The following ZMYND11 variants were observed in gnomAD, a reference collection of about 807,000 sequenced individuals.
ZMYND11 encodes the protein zinc finger MYND-type containing 11.
ZMYND11 carries 9 observed loss-of-function variants against 84.9 expected under a neutral mutation model. The ratio of observed to expected loss-of-function variants is 0.11; its 90% CI spans 0.06 to 0.18. The LOEUF is 0.18. ZMYND11 is among the 10% of genes least tolerant of loss of function. ZMYND11 has a pLI of 1.00. For synonymous variants in ZMYND11, 250 were observed against 244.1 expected (o/e 1.02, Z -0.23); for missense variants, 409 against 761.0 (o/e 0.54, Z 5.44).
chr10:157,268 C>T (rs782077973), intron 1 of ZMYND11, among the ~76,000 whole-genome samples: 15 of 152,082 alleles, frequency 9.9e-5, no homozygotes, highest in African/African-American at 1.9e-4. Context: ...GGTGCAATCT[C>T]GGCTCACTGC....
intron 4 of ZMYND11, among the ~76,000 whole-genome samples, chr10:235,781 G>A (rs754838622): frequency 6.6e-6 from 1 of 152,224 alleles, no homozygotes; most frequent in Non-Finnish European, 1.5e-5. Flanking sequence ...TCAGGAAGGT[G>A]CAGTGCAGAC....
intron 1 of ZMYND11, among the ~76,000 whole-genome samples, chr10:168,576 A>G (rs902079219): frequency 3.9e-5 from 6 of 152,176 alleles, no homozygotes; most frequent in African/African-American, 1.4e-4. Flanking sequence ...ATTTAATGCC[A>G]CATTCAAAAA....
upstream of ZMYND11, among the ~76,000 whole-genome samples, chr10:130,232 T>G (rs1460613097): frequency 2.0e-5 from 3 of 152,164 alleles, no homozygotes; most frequent in African/African-American, 7.2e-5. Flanking sequence ...CATCTGGAGC[T>G]AAAGATCAAA....
chr10:219,829 G>A (rs1370839350), intron 3 of ZMYND11, among the ~76,000 whole-genome samples: 5 of 152,110 alleles, frequency 3.3e-5, no homozygotes, highest in Admixed American at 3.3e-4. Context: ...AACTAAAAAT[G>A]GTCATTGTCT....
At chr10:231,726 T>G (rs1290317869) in intron 4 of ZMYND11, among the ~76,000 whole-genome samples, 1 of 152,200 alleles carries the variant, frequency 6.6e-6, no homozygotes, top group Non-Finnish European at 1.5e-5. Flanking sequence ...TGGCAGTTAC[T>G]TACAACTGGC....
intron 1 of ZMYND11, among the ~76,000 whole-genome samples, chr10:158,583 A>C (rs1588521553): frequency 7.6e-6 from 1 of 132,348 alleles, no homozygotes; most frequent in Non-Finnish European, 1.6e-5. Flanking sequence ...TACCCAGCTA[A>C]TTTTTTTTTT....
At chr10:167,834 C>A (rs1255087311) in intron 1 of ZMYND11, among the ~76,000 whole-genome samples, 6 of 152,076 alleles carry the variant, frequency 3.9e-5, no homozygotes, top group Non-Finnish European at 8.8e-5. Context: ...ATACACATAA[C>A]ATATAATTTA....
At chr10:150,397 C>T (rs1479468059) in intron 1 of ZMYND11, among the ~76,000 whole-genome samples, 1 of 152,170 alleles carries the variant, frequency 6.6e-6, no homozygotes, top group Non-Finnish European at 1.5e-5. Context: ...AGTTTATTTG[C>T]GTAGAAGTGT....
At chr10:242,340 AACTG>A (rs1564451261) in intron 10 of ZMYND11, among the ~76,000 whole-genome samples, 1 of 152,194 alleles carries the variant, frequency 6.6e-6, no homozygotes, top group Non-Finnish European at 1.5e-5. Context: ...AATTTTTAAT[AACTG>A]ACACTGTTGA....
chr10:210,066 G>T lies in ZMYND11; in HGVS notation c.276+18G>T. On this transcript the variant is annotated intron_variant, in intron 3 of 14. Transcript: ENST00000381604. ...ATGAGATTGTAAGTACATTTTATTT[G>T]ATAAACATAGAGATGTGAACTTTTA... 6.2e-7 allele frequency: 1 copy of T among 1,612,890 alleles called. No individual in the cohort carries two copies. Among genetic ancestry groups the T allele is most frequent in the Non-Finnish European group, 8.5e-7 (1 of 1,179,130 alleles).
intron 2 of ZMYND11, among the ~76,000 whole-genome samples, chr10:183,178 G>A (rs1848233491): frequency 6.7e-6 from 1 of 150,332 alleles, no homozygotes; most frequent in Non-Finnish European, 1.5e-5. Context: ...AGTTGTGCTT[G>A]CTTTTGTTCT....
chr10:148,775 CT>C (rs1839536971), intron 1 of ZMYND11: 1 of 152,262 alleles, frequency 6.6e-6, no homozygotes, highest in Admixed American at 6.5e-5. Flanking sequence ...TTCGTTTGCT[CT>C]TCTCACGGGA....
chr10:221,692 C>A (rs1214581899), intron 4 of ZMYND11, among the ~76,000 whole-genome samples: 8 of 152,122 alleles, frequency 5.3e-5, no homozygotes, highest in Non-Finnish European at 1.0e-4. Context: ...TTGTAATAAA[C>A]TGTACAATTT....
At chr10:214,963 C>G (rs1945907448) in intron 3 of ZMYND11, among the ~76,000 whole-genome samples, 1 of 152,174 alleles carries the variant, frequency 6.6e-6, no homozygotes, top group Non-Finnish European at 1.5e-5. Context: ...ATGAGAAGGT[C>G]TTAACAAAGG....
At chr10:250,876 A>C (rs1211109574) in intron 14 of ZMYND11, among the ~76,000 whole-genome samples, 1 of 152,144 alleles carries the variant, frequency 6.6e-6, no homozygotes, top group Non-Finnish European at 1.5e-5. Context: ...TACAAAAATT[A>C]GCCGGGCGTG....
intron 2 of ZMYND11, among the ~76,000 whole-genome samples, chr10:190,934 C>T (rs1473647432): frequency 2.0e-5 from 3 of 151,950 alleles, no homozygotes; most frequent in Admixed American, 6.6e-5. Flanking sequence ...TTATTAGTCT[C>T]TTAGGATCTT....
At position 252,416 on chromosome 10, in the gene ZMYND11, C is replaced by T; in HGVS notation, c.1755C>T (p.Cys585=). 6.2e-7 allele frequency: 1 copy of T among 1,613,850 alleles called. No individual in the cohort carries two copies. The highest frequency in any genetic ancestry group is 8.5e-7 in the Non-Finnish European group (1 of 1,180,004). ...CWNTSYCSIK[C]QQEHWHAEHK... The stretch of plus-strand genomic sequence containing the variant: ...ACACATCCTACTGCTCCATCAAGTG[C>T]CAGCAGGAGCACTGGCACGCGGAGC... Residue 585 remains cysteine (C), a synonymous_variant, in exon 15 of 15, where the codon TGC becomes TGT. Coordinates refer to ENST00000381604, the MANE Select transcript of ZMYND11 (RefSeq NM_001370100.5). This position sits in a 1 kb window ranked among gnomAD's most constrained non-coding sequence, Gnocchi z 4.6.
chr10:228,105 A>G (rs1948431304), intron 4 of ZMYND11, among the ~76,000 whole-genome samples: 1 of 152,222 alleles, frequency 6.6e-6, no homozygotes, highest in Admixed American at 6.5e-5. Context: ...GGAAAAAATA[A>G]TGGGAACACT....
At position 252,998 on chromosome 10, in the gene ZMYND11, G is replaced by C. The variant is rs929914713; in HGVS notation, c.*528G>C. On this transcript the variant is annotated 3_prime_UTR_variant, in exon 15 of 15. Coordinates refer to ENST00000381604, the MANE Select transcript of ZMYND11 (RefSeq NM_001370100.5). This position sits in a 1 kb window ranked among gnomAD's most constrained non-coding sequence, Gnocchi z 4.6. The stretch of plus-strand genomic sequence containing the variant: ...GGTATATGATTGAATTTAGGGAACA[G>C]GGTTGACACAGCAGGGCTAGTCCTG... 4 of 152,666 alleles carry C rather than the reference G, an allele frequency of 2.6e-5. No homozygotes were observed. Among genetic ancestry groups the C allele is most frequent in the African/African-American group, 4.8e-5 (2 of 41,448 alleles). The allele number at this position is 152,666 out of a possible 1,614,324, so 9.5% of individuals were successfully genotyped here. A position where few individuals can be genotyped will look rare whatever the true frequency, so the allele number is the denominator to read the frequency against.
Sources: allele counts gnomAD v4.1 joint callset (sites outside exome capture counted in the v4.1 genomes callset), GRCh38; gene constraint gnomAD v4.1.1; non-coding constraint Gnocchi (gnomAD v3.1); transcripts MANE v1.5; gene names NCBI Gene and HGNC (gene_info 2026-07-23, HGNC 2026-07-21).